XPOT: variants seen among roughly 807,000 people sequenced by gnomAD.
XPOT encodes exportin for tRNA, also known as exportin-T.
A neutral mutation model predicts 128.2 loss-of-function variants in XPOT; 34 were observed. That is an observed-to-expected ratio of 0.27 (90% CI 0.20 to 0.35). The LOEUF (loss-of-function observed/expected upper bound fraction) is 0.35. Ranked by LOEUF, XPOT falls within the 10% of genes least tolerant of loss-of-function variation. XPOT has a pLI of 1.00. For synonymous variants in XPOT, 348 were observed against 394.3 expected, an observed-to-expected ratio of 0.88 and a Z score of 1.39; for missense variants, 838 against 1,125.3, an observed-to-expected ratio of 0.74 and a Z score of 3.65.
At chr12:64,409,438 C>CT (rs1395808095) in intron 1 of XPOT, among the ~76,000 whole-genome samples, 1 of 152,136 alleles carries the variant, frequency 6.6e-6, no homozygotes, top group Non-Finnish European at 1.5e-5. Context: ...TTATGGCATA[C>CT]TTTAAGATTT....
chr12:64,408,725 G>C (rs1313261227), intron 1 of XPOT, among the ~76,000 whole-genome samples: 1 of 152,048 alleles, frequency 6.6e-6, no homozygotes, highest in East Asian at 1.9e-4. Flanking sequence ...CCAGGCTGGA[G>C]TGCAGTGGCG....
chr12:64,425,634 A>T, intron 14 of XPOT, 177 bp downstream of exon 14: 1 of 977,858 alleles, frequency 1.0e-6, no homozygotes, highest in Non-Finnish European at 1.5e-6. Flanking sequence ...GTGCCCAATT[A>T]GTCAACTAAA....
At chr12:64,408,443 C>G (rs1043870258) in intron 1 of XPOT, among the ~76,000 whole-genome samples, 3 of 152,166 alleles carry the variant, frequency 2.0e-5, no homozygotes, top group African/African-American at 7.2e-5. Flanking sequence ...AAGACTTGGT[C>G]TCCCTACCTT....
chr12:64,413,201 C>G (rs1021519515), intron 2 of XPOT, among the ~76,000 whole-genome samples: 2 of 152,210 alleles, frequency 1.3e-5, no homozygotes, highest in African/African-American at 2.4e-5. Context: ...CCCGAAGTCT[C>G]TAGTGATCCT....
At chr12:64,407,567 C>G (rs1215110555) in intron 1 of XPOT, among the ~76,000 whole-genome samples, 1 of 151,706 alleles carries the variant, frequency 6.6e-6, no homozygotes, top group Non-Finnish European at 1.5e-5. Flanking sequence ...GGCATGTAAT[C>G]CAATTTGGGA....
At chr12:64,431,847 G>T in intron 18 of XPOT, 24 bp downstream of exon 18, 1 of 1,599,128 alleles carries the variant, frequency 6.3e-7, no homozygotes. Context: ...TCAGAGCTCT[G>T]AAAATCTCTT....
intron 23 of XPOT, among the ~76,000 whole-genome samples, chr12:64,440,126 C>T (rs939119853): frequency 6.6e-6 from 1 of 152,146 alleles, no homozygotes; most frequent in African/African-American, 2.4e-5. Flanking sequence ...TAGCAATTCC[C>T]ATTTCCCACA....
intron 15 of XPOT, among the ~76,000 whole-genome samples, chr12:64,427,669 A>AT (rs1161107288): frequency 6.6e-6 from 1 of 151,572 alleles, no homozygotes; most frequent in Non-Finnish European, 1.5e-5. Flanking sequence ...TAATTTTTGT[A>AT]TTTTTTGTAG....
At position 64,449,705 on chromosome 12, in the gene XPOT, G is replaced by GAAAT. The variant is rs1356880409; in HGVS notation, c.*1575_*1578dup. ...TTGACAGTTATAAAAATAAATCAGT[G>GAAAT]AAATGTACCTTATACTTTAATAAAA... On this transcript the variant is annotated 3_prime_UTR_variant, in exon 25 of 25. Transcript: ENST00000332707. The GAAAT allele has an allele frequency of 6.6e-6, 1 of 152,214 alleles. No homozygotes were observed. The highest frequency in any genetic ancestry group is 2.4e-5 in the African/African-American group (1 of 41,454). The allele number at this position is 152,214 out of a possible 1,614,324, so 9.4% of individuals were successfully genotyped here. A position where few individuals can be genotyped will look rare whatever the true frequency, so the allele number is the denominator to read the frequency against.
In XPOT at chr12:64,418,138, T is replaced by A. The variant is rs74100222; in HGVS notation, c.270+23T>A. On this transcript the variant is annotated intron_variant, in intron 5 of 24. Transcript: ENST00000332707. The stretch of plus-strand genomic sequence containing the variant: ...CAGGTAAAATCATAATTTCATTCAG[T>A]ACCTCAAATTATTAGATATTTAAAC... 3,373 of 1,587,422 alleles carry A rather than the reference T, an allele frequency of 2.1e-3. 57 individuals carry two copies. The African/African-American group carries it at 0.037, about 17-fold the overall frequency.
chr12:64,428,188 C>A, intron 16 of XPOT, 68 bp downstream of exon 16: 2 of 1,106,414 alleles, frequency 1.8e-6, no homozygotes, highest in South Asian at 1.4e-5. Flanking sequence ...ATTAGCCTTG[C>A]CTTTGTTGGC....
intron 4 of XPOT, among the ~76,000 whole-genome samples, 161 bp from the exon 5 acceptor site, chr12:64,417,885 T>G (rs975833498): frequency 6.6e-6 from 1 of 152,244 alleles, no homozygotes; most frequent in African/African-American, 2.4e-5. Context: ...CTTGTCCTTA[T>G]CTTTAAAGCA....
At chr12:64,417,966 C>T (rs1806771583) in intron 4 of XPOT, 80 bp from the exon 5 acceptor site, 1 of 1,153,062 alleles carries the variant, frequency 8.7e-7, no homozygotes, top group Non-Finnish European at 1.2e-6. Context: ...TTTTCCCTTT[C>T]AAATATATGA....
In XPOT at chr12:64,416,755, G is replaced by A. The variant is rs1192236917; in HGVS notation, c.200+1G>A. ...TACTGGAACATCAAGTTAAATACAA[G>A]TAAGGCTTTTCTTACTGTTTTGACT... On this transcript the variant is annotated splice_donor_variant, in intron 4 of 24. Coordinates refer to ENST00000332707, the MANE Select transcript of XPOT (RefSeq NM_007235.6). LOFTEE classifies it high-confidence loss of function. The A allele has an allele frequency of 1.9e-6, 3 of 1,612,134 alleles. No homozygotes were observed. The highest frequency in any genetic ancestry group is 2.5e-6 in the Non-Finnish European group (3 of 1,178,954).
At chr12:64,409,887 C>T in intron 1 of XPOT, 75 bp from the exon 2 acceptor site, 9 of 609,166 alleles carry the variant, frequency 1.5e-5, no homozygotes, top group South Asian at 6.7e-5. Flanking sequence ...TGATTTTATC[C>T]ATTTACGTTA....
chr12:64,448,133 G>A lies in XPOT; in HGVS notation c.*2G>A, dbSNP rs781469863. On this transcript the variant is annotated 3_prime_UTR_variant, in exon 25 of 25. Coordinates refer to ENST00000332707, the MANE Select transcript of XPOT (RefSeq NM_007235.6). ...TTCTTCCAGAGAGCAAAGCCCTGAGGACTGGATTTCCCTGTGCCTACTTCA... is the reference window on the plus strand; with the variant it reads ...TTCTTCCAGAGAGCAAAGCCCTGAGAACTGGATTTCCCTGTGCCTACTTCA... 3.7e-6 allele frequency: 6 copies of A among 1,613,722 alleles called. No homozygotes were observed. In the South Asian group the frequency reaches 5.5e-5, roughly 15 times the overall value.
intron 4 of XPOT, among the ~76,000 whole-genome samples, chr12:64,417,701 TAATTA>T (rs1365295243): frequency 6.6e-6 from 1 of 152,226 alleles, no homozygotes; most frequent in Non-Finnish European, 1.5e-5. Context: ...TCTGACTTAC[TAATTA>T]AGCAAAATAA....
chr12:64,435,681 C>G lies in XPOT; in HGVS notation c.2733+7C>G. ...AACAATTCATCTCAAACGGGTAAGC[C>G]TTTTAGTCCATGCCCCTTCATTTTC... is the stretch of plus-strand genomic sequence containing the variant. On this transcript the variant is annotated splice_region_variant and intron_variant, in intron 22 of 24. Transcript: ENST00000332707. The G allele has an allele frequency of 6.2e-7, 1 of 1,601,350 alleles. No homozygotes were observed. Among genetic ancestry groups the G allele is most frequent in the Non-Finnish European group, 8.5e-7 (1 of 1,172,210 alleles).
intron 19 of XPOT, among the ~76,000 whole-genome samples, chr12:64,433,862 C>A (rs904049430): frequency 2.0e-5 from 3 of 151,868 alleles, no homozygotes; most frequent in African/African-American, 7.3e-5. Flanking sequence ...TGGTTACTTA[C>A]CAGAATTGAC....
Sources: allele counts gnomAD v4.1 joint callset (sites outside exome capture counted in the v4.1 genomes callset), GRCh38; gene constraint gnomAD v4.1.1; transcripts MANE v1.5; gene names NCBI Gene and HGNC (gene_info 2026-07-23, HGNC 2026-07-21).